The following CACNB2 variants were observed in gnomAD, a reference collection of about 807,000 sequenced individuals.
The protein encoded by CACNB2 is calcium voltage-gated channel auxiliary subunit beta 2.
Under a neutral mutation model 73.3 loss-of-function variants are expected in CACNB2, and 42 were observed. The ratio of observed to expected loss-of-function variants is 0.57; its 90% confidence interval spans 0.45 to 0.74. The LOEUF (loss-of-function observed/expected upper bound fraction) is 0.74. Ranked by LOEUF, CACNB2 falls within the 30% of genes least tolerant of loss-of-function variation. The pLI, the probability that CACNB2 is intolerant of heterozygous loss-of-function variation, is 0.00. For synonymous variants in CACNB2, 348 were observed against 310.3 expected (o/e 1.12, Z -1.28); for missense variants, 940 against 853.0 (o/e 1.10, Z -1.27).
At chr10:18,235,796 G>C (rs970832124) in intron 2 of CACNB2, among the ~76,000 whole-genome samples, 4 of 152,138 alleles carry the variant, frequency 2.6e-5, no homozygotes, top group Non-Finnish European at 4.4e-5. Context: ...CGGAGGTATG[G>C]TTTGGATTTG....
At chr10:18,350,461 T>C (rs1176073617) in intron 2 of CACNB2, among the ~76,000 whole-genome samples, 1 of 152,180 alleles carries the variant, frequency 6.6e-6, no homozygotes, top group African/African-American at 2.4e-5. Context: ...GCACTGCCTG[T>C]GCCTCCTTGT....
At chr10:18,255,285 C>G (rs750859522) in intron 2 of CACNB2, among the ~76,000 whole-genome samples, 1 of 152,150 alleles carries the variant, frequency 6.6e-6, no homozygotes, top group Admixed American at 6.5e-5. Context: ...TGGGCCTTCT[C>G]CCTTCTACCA....
rs773352662 is a variant in CACNB2 at position 18,463,605 on chromosome 10, G to GTT, written c.334-34741_334-34740dup. On this transcript the variant is annotated intron_variant, in intron 3 of 13. Transcript: ENST00000324631. ...AGTTGTTTTTTTTTTGTTGTTTTTT[G>GTT]TTTTTTTTTTGTAGAGATGGGGTTT... Among the ~76,000 whole-genome samples, 230 of 145,954 alleles carry GTT rather than the reference G, an allele frequency of 1.6e-3. 1 individual carries two copies. Among genetic ancestry groups the GTT allele is most frequent in the Middle Eastern group, 7.0e-3 (2 of 284 alleles).
intron 5 of CACNB2, 139 bp from the exon 6 acceptor site, chr10:18,506,332 A>C: frequency 1.5e-6 from 1 of 675,850 alleles, no homozygotes. Flanking sequence ...CTCCACTGGG[A>C]AATATTGTTT....
intron 2 of CACNB2, among the ~76,000 whole-genome samples, chr10:18,393,889 G>A (rs550792936): frequency 1.5e-3 from 229 of 152,288 alleles, no homozygotes; most frequent in African/African-American, 4.9e-3. Context: ...ATTAATGAAT[G>A]TAAAATGAGC....
chr10:18,533,734 A>T (rs926733383), intron 10 of CACNB2, among the ~76,000 whole-genome samples: 4 of 152,240 alleles, frequency 2.6e-5, no homozygotes, highest in African/African-American at 9.6e-5. Flanking sequence ...CACACGGAAG[A>T]TATGTCAAGG....
At chr10:18,154,247 T>G (rs2031847887) in intron 2 of CACNB2, among the ~76,000 whole-genome samples, 1 of 151,586 alleles carries the variant, frequency 6.6e-6, no homozygotes. Flanking sequence ...GTTTTAGAGG[T>G]TGATAATGTG....
At chr10:18,162,527 A>G (rs2032542539) in intron 2 of CACNB2, among the ~76,000 whole-genome samples, 1 of 152,212 alleles carries the variant, frequency 6.6e-6, no homozygotes, top group Non-Finnish European at 1.5e-5. Context: ...TCTGAACAGA[A>G]TGTGTTTAAG....
intron 2 of CACNB2, among the ~76,000 whole-genome samples, chr10:18,365,988 CA>C (rs1393262093): frequency 2.0e-5 from 3 of 152,210 alleles, no homozygotes; most frequent in African/African-American, 7.2e-5. Context: ...ACATTCCCTT[CA>C]AATTCATAGA....
At chr10:18,210,233 C>T (rs540758680) in intron 2 of CACNB2, among the ~76,000 whole-genome samples, 1 of 152,138 alleles carries the variant, frequency 6.6e-6, no homozygotes, top group Admixed American at 6.6e-5. Context: ...TGGCTATAGT[C>T]AATCTTAAGC....
Position 18,400,833 on chromosome 10 carries a change from G to A in CACNB2, c.214-1091G>A, listed in dbSNP as rs2043956307. On this transcript the variant is annotated intron_variant, in intron 2 of 13. Transcript: ENST00000324631. ...CGAGTGTGTGTTTTCAGCCCCTCCT[G>A]GAATGGGAAAATAAGAATCTCCCTG... 20 of 1,458,122 alleles carry A rather than the reference G, an allele frequency of 1.4e-5. No individual in the cohort carries two copies. The South Asian group carries it at 2.9e-4, about 21-fold the overall frequency. 90.3% of individuals were successfully genotyped at this position (1,458,122 alleles called of 1,614,324 possible).
At chr10:18,392,347 G>A (rs1433111980) in intron 2 of CACNB2, among the ~76,000 whole-genome samples, 1 of 152,202 alleles carries the variant, frequency 6.6e-6, no homozygotes, top group African/African-American at 2.4e-5. Context: ...GGGATGATCA[G>A]TGATGTTAAA....
rs551891739 is a variant in CACNB2, at chr10:18,147,566, T to C, written c.121-3317T>C. Among the ~76,000 whole-genome samples, 235 of 152,300 alleles carry C rather than the reference T, an allele frequency of 1.5e-3. 1 individual carries two copies. The highest frequency in any genetic ancestry group is 5.4e-3 in the African/African-American group (224 of 41,562). ...GCCAAATCCCCTTTCCTGTCTCCCC[T>C]TTTCCTTATACAACCTGGGCTGCAC... On this transcript the variant is annotated intron_variant, in intron 1 of 13. Transcript: ENST00000324631.
intron 3 of CACNB2, among the ~76,000 whole-genome samples, chr10:18,437,699 TCTGA>T (rs2046206945): frequency 6.6e-6 from 1 of 152,174 alleles, no homozygotes; most frequent in South Asian, 2.1e-4. Flanking sequence ...TGCCACAGTA[TCTGA>T]CTATCTTTGA....
intron 3 of CACNB2, among the ~76,000 whole-genome samples, chr10:18,487,988 T>C (rs1348454784): frequency 6.6e-6 from 1 of 151,568 alleles, no homozygotes; most frequent in Non-Finnish European, 1.5e-5. Context: ...ATTGTACTTT[T>C]AGTAGAGACA....
intron 2 of CACNB2, among the ~76,000 whole-genome samples, chr10:18,310,605 C>CAAAAA (rs1157466238): frequency 1.9e-4 from 7 of 36,836 alleles, no homozygotes; most frequent in African/African-American, 2.5e-4. Context: ...AACTCCATCT[C>CAAAAA]AAAAAAAAAA....
intron 2 of CACNB2, among the ~76,000 whole-genome samples, chr10:18,192,268 G>GTTCATTCATTCATTCATTCATTCATTCA (rs75149644): frequency 5.9e-5 from 9 of 151,274 alleles, no homozygotes; most frequent in African/African-American, 2.2e-4. Flanking sequence ...TCAGACTTAC[G>GTTCATTCATTCATTCATTCATTCATTCA]TTCATTCATT....
intron 2 of CACNB2, among the ~76,000 whole-genome samples, chr10:18,186,244 A>AC: frequency 6.6e-6 from 1 of 151,882 alleles, no homozygotes; most frequent in Non-Finnish European, 1.5e-5. Flanking sequence ...ACATGGAGAA[A>AC]CCCCATCTCT....
intron 3 of CACNB2, among the ~76,000 whole-genome samples, chr10:18,492,274 C>T (rs1260952818): frequency 6.6e-6 from 1 of 152,138 alleles, no homozygotes; most frequent in Non-Finnish European, 1.5e-5. Context: ...TGAGTCTGGC[C>T]AGGGACACAA....
Sources: gnomAD v4.1 joint callset for allele counts (sites outside exome capture counted in the v4.1 genomes callset) on GRCh38, gnomAD v4.1.1 for gene constraint, MANE v1.5 for transcripts, NCBI Gene and HGNC (gene_info 2026-07-23, HGNC 2026-07-21) for gene names.